The following JUP variants were observed in gnomAD, a reference collection of about 807,000 sequenced individuals.
JUP encodes junction plakoglobin.
In JUP, 28 loss-of-function variants were observed where a neutral mutation model predicts 71.1. The ratio of observed to expected loss-of-function variants is 0.39; its 90% confidence interval spans 0.29 to 0.54. JUP has a LOEUF of 0.54. Ranked by LOEUF, JUP falls within the 20% of genes least tolerant of loss-of-function variation. The probability of loss-of-function intolerance (pLI) is 0.62; values close to 1 mark genes in which losing one functional copy is unlikely to be tolerated. For missense variants in JUP, 869 were observed against 1,030.1 expected (o/e 0.84, Z 2.14); for synonymous variants, 401 against 438.9 (o/e 0.91, Z 1.08).
intron 4 of JUP, among the ~76,000 whole-genome samples, chr17:41,767,959 C>G (rs1915984971): frequency 6.6e-6 from 1 of 152,176 alleles, no homozygotes; most frequent in Non-Finnish European, 1.5e-5. Flanking sequence ...AGCTTCCAGC[C>G]TGGTATGGGA....
intron 5 of JUP, among the ~76,000 whole-genome samples, 190 bp downstream of exon 5, chr17:41,767,189 G>A (rs1380072287): frequency 6.6e-6 from 1 of 152,168 alleles, no homozygotes; most frequent in African/African-American, 2.4e-5. Context: ...GCTATATGAG[G>A]ATGAGTGATT....
At position 41,756,075 on chromosome 17, in the gene JUP, A is replaced by G. The variant is rs980310597; in HGVS notation, c.2086+100T>C. 1.2e-5 allele frequency: 16 copies of G among 1,373,276 alleles called. No individual in the cohort carries two copies. The East Asian group carries it at 3.8e-4, about 32-fold the overall frequency. The allele number at this position is 1,373,276 out of a possible 1,614,324, so 85.1% of individuals were successfully genotyped here. A position where few individuals can be genotyped will look rare whatever the true frequency, so the allele number is the denominator to read the frequency against. ...ATGTGGATGCCACACAGCAGTTGCC[A>G]CTGGTCCTCTGGCCCCGGAGACATA... On this transcript the variant is annotated intron_variant, in intron 13 of 13. Coordinates refer to ENST00000393931, the MANE Select transcript of JUP (RefSeq NM_002230.4).
At chr17:41,773,562 C>T (rs556761368) in intron 1 of JUP, among the ~76,000 whole-genome samples, 7 of 152,296 alleles carry the variant, frequency 4.6e-5, no homozygotes, top group Non-Finnish European at 7.4e-5. Context: ...CCCAGGCATT[C>T]GAAAGTGTAG....
intron 1 of JUP, 40 bp from the exon 2 acceptor site, chr17:41,771,902 C>T (rs782567619): frequency 6.6e-7 from 1 of 1,517,732 alleles, no homozygotes; most frequent in Non-Finnish European, 9.0e-7. Flanking sequence ...CAGGAAGTCA[C>T]CTGGCCCAGC....
At chr17:41,775,958 A>G in intron 1 of JUP, 1 of 985,036 alleles carries the variant, frequency 1.0e-6, no homozygotes, top group Non-Finnish European at 1.2e-6. Flanking sequence ...CCCTGACATT[A>G]AAAATAGCCC....
In JUP at chr17:41,771,747, G is replaced by A. The variant is rs371142035; in HGVS notation, c.108C>T (p.Ser36=). ...CCTCCATGATGCCCTTGCTGCTGACGGAGGGCACGCAGGTGTTGGCGCCCG... is the reference window on the plus strand; with the variant it reads ...CCTCCATGATGCCCTTGCTGCTGACAGAGGGCACGCAGGTGTTGGCGCCCG... ...IHSGANTCVP[S]VSSKGIMEED... is the part of the protein sequence containing the mutation. The change falls in exon 2 of 14, where the codon TCC becomes TCT. Residue 36 remains serine, a synonymous_variant. Coordinates refer to ENST00000393931, the MANE Select transcript of JUP (RefSeq NM_002230.4). 1.5e-5 allele frequency: 24 copies of A among 1,614,014 alleles called. No homozygotes were observed. In the East Asian group the frequency reaches 2.0e-4, roughly 13 times the overall value.
chr17:41,775,986 G>A, intron 1 of JUP: 5 of 985,392 alleles, frequency 5.1e-6, no homozygotes, highest in Non-Finnish European at 6.0e-6. Flanking sequence ...GCTACACCAG[G>A]CTCCTTCCCC....
At chr17:41,759,563 C>T (rs548853278) in intron 8 of JUP, among the ~76,000 whole-genome samples, 4 of 151,856 alleles carry the variant, frequency 2.6e-5, no homozygotes, top group Non-Finnish European at 5.9e-5. Context: ...TAGGTGCCCC[C>T]GAAGCCTCCT....
intron 1 of JUP, among the ~76,000 whole-genome samples, chr17:41,782,559 C>A (rs2047216700): frequency 6.6e-6 from 1 of 152,036 alleles, no homozygotes; most frequent in Non-Finnish European, 1.5e-5. Context: ...GGAGGCAGCA[C>A]AGCTTTGACC....
chr17:41,755,691 T>C lies in JUP; in HGVS notation c.*53A>G. 1 of 1,495,464 alleles carries C rather than the reference T, an allele frequency of 6.7e-7. No homozygotes were observed. The allele number at this position is 1,495,464 out of a possible 1,614,324, so 92.6% of individuals were successfully genotyped here. A position where few individuals can be genotyped will look rare whatever the true frequency, so the allele number is the denominator to read the frequency against. ...GGGAGGGCCTCCAACAGAAGGAGGT[T>C]CTAGAGAGGAGGAAAAGCCTGCAAA... is the stretch of plus-strand genomic sequence containing the variant. On this transcript the variant is annotated 3_prime_UTR_variant, in exon 14 of 14. Transcript: ENST00000393931.
intron 1 of JUP, 89 bp from the exon 2 acceptor site, chr17:41,771,951 C>T: frequency 9.3e-7 from 1 of 1,077,544 alleles, no homozygotes; most frequent in Middle Eastern, 2.1e-4. Context: ...GCCTGTCTTC[C>T]CACATCATCA....
intron 8 of JUP, among the ~76,000 whole-genome samples, chr17:41,760,623 C>T (rs1021314348): frequency 2.0e-5 from 3 of 152,034 alleles, no homozygotes; most frequent in African/African-American, 4.8e-5. Flanking sequence ...GTGCAATGAG[C>T]GATCTCAGCT....
At chr17:41,777,089 T>C (rs1172441135) in intron 1 of JUP, among the ~76,000 whole-genome samples, 2 of 152,200 alleles carry the variant, frequency 1.3e-5, no homozygotes, top group African/African-American at 2.4e-5. Context: ...GCAGTCTGTC[T>C]GGGGGAGCCC....
chr17:41,762,164 AGAGAGAGAGAGAGT>A (rs1555601530), intron 8 of JUP, among the ~76,000 whole-genome samples: 1,347 of 77,662 alleles, frequency 0.017, no homozygotes, highest in Non-Finnish European at 0.026. Context: ...AGAGAGAGAG[AGAGAGAGAGAGAGT>A]GTGTGTGTGT....
Position 41,757,758 on chromosome 17 carries a change from G to A in JUP, c.1800C>T (p.Ile600=). The A allele has an allele frequency of 6.2e-7, 1 of 1,612,064 alleles. No homozygotes were observed. The highest frequency in any genetic ancestry group is 8.5e-7 in the Non-Finnish European group (1 of 1,178,922). The change falls in exon 11 of 14, where the codon ATC becomes ATT. Residue 600 remains isoleucine (I), a synonymous_variant. Coordinates refer to ENST00000393931, the MANE Select transcript of JUP (RefSeq NM_002230.4). ...ACAGCACCCCGGCAGCCACGCGCTG[G>A]ATGTTCTCCACCGACGAGTACAGGA... ...VQLLYSSVEN[I]QRVAAGVLCE...
chr17:41,774,795 A>G (rs1194329462), intron 1 of JUP, among the ~76,000 whole-genome samples: 2 of 151,960 alleles, frequency 1.3e-5, no homozygotes, highest in East Asian at 1.9e-4. Flanking sequence ...GAAGCAGAGC[A>G]CTCGGCTGCA....
chr17:41,778,691 C>T (rs1449414950), intron 1 of JUP, among the ~76,000 whole-genome samples: 1 of 151,628 alleles, frequency 6.6e-6, no homozygotes, highest in African/African-American at 2.4e-5. Context: ...GCGGGCGGAT[C>T]ACGAGGTCAG....
Position 41,755,181 on chromosome 17 carries a change from G to A in JUP, c.*563C>T, listed in dbSNP as rs1052210756. On this transcript the variant is annotated 3_prime_UTR_variant, in exon 14 of 14. Coordinates refer to ENST00000393931, the MANE Select transcript of JUP (RefSeq NM_002230.4). ...GAGGTTTGGAGGGGCGTTGCTGGGG[G>A]AAAACAGAATGGGTACTTGAGTCTG... The A allele has an allele frequency of 5.0e-6, 2 of 398,224 alleles. No homozygotes were observed. The highest frequency in any genetic ancestry group is 8.8e-6 in the Non-Finnish European group (2 of 226,306). 24.7% of individuals were successfully genotyped at this position (398,224 alleles called of 1,614,324 possible).
In JUP at chr17:41,774,906, T is replaced by A. The variant is rs556135216; in HGVS notation, c.-8-3044A>T. 2.6e-5 allele frequency among the ~76,000 whole-genome samples: 4 copies of A among 151,900 alleles called. No homozygotes were observed. The East Asian group carries it at 7.9e-4, about 30-fold the overall frequency. On this transcript the variant is annotated intron_variant, in intron 1 of 13. Transcript: ENST00000393931. Reference sequence around the variant, plus strand: ...TCACGAGGTCAGGAGTTCAAGACCATCCTGGTCAACATGGTGAAATCCTGT... The same window carrying A: ...TCACGAGGTCAGGAGTTCAAGACCAACCTGGTCAACATGGTGAAATCCTGT...
Sources: gnomAD v4.1 joint callset for allele counts (sites outside exome capture counted in the v4.1 genomes callset) on GRCh38, gnomAD v4.1.1 for gene constraint, MANE v1.5 for transcripts, NCBI Gene and HGNC (gene_info 2026-07-23, HGNC 2026-07-21) for gene names.